JAKMIP1: variants seen among roughly 807,000 people sequenced by gnomAD.
JAKMIP1 encodes janus kinase and microtubule-interacting protein 1.
In JAKMIP1, 33 loss-of-function variants were observed where a neutral mutation model predicts 113.0. That is an observed-to-expected ratio of 0.29 (90% CI 0.22 to 0.39). JAKMIP1 has a LOEUF of 0.39. JAKMIP1 is among the 10% of genes least tolerant of loss of function. JAKMIP1 has a pLI of 1.00. For missense variants in JAKMIP1, 813 were observed against 1,080.5 expected (o/e 0.75, Z 3.47); for synonymous variants, 480 against 459.9 (o/e 1.04, Z -0.56).
intron 1 of JAKMIP1, among the ~76,000 whole-genome samples, chr4:6,146,040 A>C (rs1390299228): frequency 6.6e-6 from 1 of 152,218 alleles, no homozygotes; most frequent in African/African-American, 2.4e-5. Context: ...TCAATAGATG[A>C]ATAGACAAAT....
intron 8 of JAKMIP1, among the ~76,000 whole-genome samples, chr4:6,068,801 C>T (rs1718538878): frequency 1.3e-5 from 2 of 152,054 alleles, no homozygotes; most frequent in South Asian, 4.1e-4. Context: ...AACTCTTGAC[C>T]TCAAGTGATC....
In JAKMIP1 at chr4:6,135,664, C is replaced by G. The variant is rs1050696548; in HGVS notation, c.-147-22667G>C. On this transcript the variant is annotated intron_variant, in intron 1 of 20. Coordinates refer to ENST00000409021, the MANE Select transcript of JAKMIP1 (RefSeq NM_001099433.2). This position sits in a 1 kb window ranked among gnomAD's most constrained non-coding sequence, Gnocchi z 4.9. The stretch of plus-strand genomic sequence containing the variant: ...GCATACCACTGCATCAACCATACCA[C>G]CCCCGCTGAGAAGTTGCTTCTTGCC... Among the ~76,000 whole-genome samples the G allele has an allele frequency of 6.6e-6, 1 of 152,194 alleles. No individual in the cohort carries two copies. Among genetic ancestry groups the G allele is most frequent in the Non-Finnish European group, 1.5e-5 (1 of 68,036 alleles).
At chr4:6,151,641 A>C (rs1175061484) in intron 1 of JAKMIP1, among the ~76,000 whole-genome samples, 2 of 152,168 alleles carry the variant, frequency 1.3e-5, no homozygotes, top group Admixed American at 6.5e-5. Context: ...AGAGTCCTCC[A>C]GTCCTCCTGG....
At chr4:6,149,968 C>G (rs1283848404) in intron 1 of JAKMIP1, among the ~76,000 whole-genome samples, 1 of 152,156 alleles carries the variant, frequency 6.6e-6, no homozygotes, top group Non-Finnish European at 1.5e-5. Flanking sequence ...TCCACTGCCC[C>G]TGCTTACCAG....
chr4:6,057,596 C>T (rs1362617857), intron 11 of JAKMIP1, among the ~76,000 whole-genome samples: 9 of 152,328 alleles, frequency 5.9e-5, no homozygotes, highest in South Asian at 2.1e-4. Context: ...CACCAGGCTG[C>T]GAGCACCTGT....
rs1037853821 is a variant in JAKMIP1 at position 6,167,781 on chromosome 4, C to T, written c.-148+32472G>A. Among the ~76,000 whole-genome samples, 2 of 152,356 alleles carry T rather than the reference C, an allele frequency of 1.3e-5. No homozygotes were observed. The highest frequency in any genetic ancestry group is 2.1e-4 in the South Asian group (1 of 4,826). On this transcript the variant is annotated intron_variant, in intron 1 of 20. Coordinates refer to ENST00000409021, the MANE Select transcript of JAKMIP1 (RefSeq NM_001099433.2). The surrounding 1 kb of genome is among the most constrained non-coding windows in gnomAD (Gnocchi z 5.3). ...ACGCGGCTTTTCCACGGCTCTATGG[C>T]TGTCTTAAATTTCACTTGTGAGCAT...
In JAKMIP1 at chr4:6,185,210, A is replaced by G. The variant is rs1423264731; in HGVS notation, c.-148+15043T>C. On this transcript the variant is annotated intron_variant, in intron 1 of 20. Coordinates refer to ENST00000409021, the MANE Select transcript of JAKMIP1 (RefSeq NM_001099433.2). The surrounding 1 kb of genome is among the most constrained non-coding windows in gnomAD (Gnocchi z 5.3). ...GTGATCTTGTGAGTCAATTATCCCA[A>G]TAAACTTCCTTTCATATATACATCT... 2.6e-5 allele frequency among the ~76,000 whole-genome samples: 4 copies of G among 152,286 alleles called. No individual in the cohort carries two copies. In the East Asian group the frequency reaches 7.7e-4, roughly 29 times the overall value.
At chr4:6,115,582 T>A (rs1715623024) in intron 1 of JAKMIP1, among the ~76,000 whole-genome samples, 1 of 152,216 alleles carries the variant, frequency 6.6e-6, no homozygotes, top group Non-Finnish European at 1.5e-5. Flanking sequence ...GCCCCCAGGA[T>A]ACTGACAGGG....
intron 1 of JAKMIP1, among the ~76,000 whole-genome samples, chr4:6,119,102 T>A (rs533317472): frequency 6.6e-6 from 1 of 152,088 alleles, no homozygotes; most frequent in Non-Finnish European, 1.5e-5. Context: ...GACTGACAGC[T>A]TTTTTTAAGG....
rs1275043328 is a variant in JAKMIP1 at position 6,180,656 on chromosome 4, A to G, written c.-148+19597T>C. 1.3e-5 allele frequency among the ~76,000 whole-genome samples: 2 copies of G among 152,122 alleles called. No homozygotes were observed. Among genetic ancestry groups the G allele is most frequent in the Admixed American group, 6.6e-5 (1 of 15,266 alleles). On this transcript the variant is annotated intron_variant, in intron 1 of 20. Coordinates refer to ENST00000409021, the MANE Select transcript of JAKMIP1 (RefSeq NM_001099433.2). This position sits in a 1 kb window ranked among gnomAD's most constrained non-coding sequence, Gnocchi z 4.5. ...GCCCTGTGACAAGGGTATTCTTAGT[A>G]CCCCCATTTTAATGGACCAGCAGGA...
In JAKMIP1 at chr4:6,162,591, C is replaced by T. The variant is rs1235333888; in HGVS notation, c.-148+37662G>A. On this transcript the variant is annotated intron_variant, in intron 1 of 20. Coordinates refer to ENST00000409021, the MANE Select transcript of JAKMIP1 (RefSeq NM_001099433.2). This position sits in a 1 kb window ranked among gnomAD's most constrained non-coding sequence, Gnocchi z 5.6. ...GCACAAGGCAGTCATGTCAACAGGGCAAAGGCACCATCTCGTTCAACCTGC... is the reference window on the plus strand; with the variant it reads ...GCACAAGGCAGTCATGTCAACAGGGTAAAGGCACCATCTCGTTCAACCTGC... 6.6e-6 allele frequency among the ~76,000 whole-genome samples: 1 copy of T among 152,212 alleles called. No individual in the cohort carries two copies.
intron 3 of JAKMIP1, among the ~76,000 whole-genome samples, chr4:6,100,241 C>T (rs898847339): frequency 2.6e-5 from 4 of 152,196 alleles, no homozygotes; most frequent in African/African-American, 7.2e-5. Flanking sequence ...TACAGCTAAT[C>T]TCCATTCCAA....
At position 6,140,146 on chromosome 4, in the gene JAKMIP1, T is replaced by C. The variant is rs983549948; in HGVS notation, c.-147-27149A>G. 1.3e-5 allele frequency among the ~76,000 whole-genome samples: 2 copies of C among 152,160 alleles called. No individual in the cohort carries two copies. Among genetic ancestry groups the C allele is most frequent in the African/African-American group, 4.8e-5 (2 of 41,396 alleles). On this transcript the variant is annotated intron_variant, in intron 1 of 20. Coordinates refer to ENST00000409021, the MANE Select transcript of JAKMIP1 (RefSeq NM_001099433.2). The surrounding 1 kb of genome is among the most constrained non-coding windows in gnomAD (Gnocchi z 9.4). ...ATTGTCCCAGTTTTTTGGAGACCAATTTCATACACACAGGGGAGAAAGGCT... is the reference window on the plus strand; with the variant it reads ...ATTGTCCCAGTTTTTTGGAGACCAACTTCATACACACAGGGGAGAAAGGCT...
In JAKMIP1 at chr4:6,136,399, T is replaced by C. The variant is rs1176829460; in HGVS notation, c.-147-23402A>G. 6.6e-6 allele frequency among the ~76,000 whole-genome samples: 1 copy of C among 151,968 alleles called. No homozygotes were observed. The highest frequency in any genetic ancestry group is 6.6e-5 in the Admixed American group (1 of 15,256). ...GTACCCTAGTGATAATATCTCCCAC[T>C]GGGAGCAGGAATGAAGGAAGCAAAG... On this transcript the variant is annotated intron_variant, in intron 1 of 20. Coordinates refer to ENST00000409021, the MANE Select transcript of JAKMIP1 (RefSeq NM_001099433.2). The surrounding 1 kb of genome is among the most constrained non-coding windows in gnomAD (Gnocchi z 5.9).
intron 20 of JAKMIP1, among the ~76,000 whole-genome samples, chr4:6,029,109 A>G (rs992947018): frequency 2.6e-5 from 4 of 152,204 alleles, no homozygotes; most frequent in Non-Finnish European, 5.9e-5. Context: ...TGGGATGGCT[A>G]TGACATCCAT....
chr4:6,132,662 A>G (rs914744023), intron 1 of JAKMIP1, among the ~76,000 whole-genome samples: 162 of 151,758 alleles, frequency 1.1e-3, no homozygotes, highest in Middle Eastern at 3.4e-3. Flanking sequence ...AAAAAAAAAA[A>G]GAAAGCAGAA....
At chr4:6,182,533 TG>T (rs1726164703) in intron 1 of JAKMIP1, among the ~76,000 whole-genome samples, 1 of 152,192 alleles carries the variant, frequency 6.6e-6, no homozygotes, top group South Asian at 2.1e-4. Flanking sequence ...GGCAGCCTCC[TG>T]CGAACCAGGA....
At chr4:6,048,765 C>A (rs1262135952) in intron 16 of JAKMIP1, 92 bp downstream of exon 16, 6 of 1,069,548 alleles carry the variant, frequency 5.6e-6, no homozygotes, top group African/African-American at 1.6e-5. Context: ...AACGCATGCT[C>A]CCACGCAAAG....
chr4:6,152,403 C>T (rs540943763), intron 1 of JAKMIP1, among the ~76,000 whole-genome samples: 13 of 152,148 alleles, frequency 8.5e-5, no homozygotes, highest in Non-Finnish European at 1.5e-4. Flanking sequence ...CCCAGCCCCA[C>T]CACCAACTGG....
Sources: allele counts gnomAD v4.1 joint callset (sites outside exome capture counted in the v4.1 genomes callset), GRCh38; gene constraint gnomAD v4.1.1; non-coding constraint Gnocchi (gnomAD v3.1); transcripts MANE v1.5; gene names NCBI Gene and HGNC (gene_info 2026-07-23, HGNC 2026-07-21).